The following GRIN2A variants were observed in gnomAD, a reference collection of about 807,000 sequenced individuals.
GRIN2A encodes glutamate receptor ionotropic, NMDA 2A.
Under a neutral mutation model 113.4 loss-of-function variants are expected in GRIN2A, and 22 were observed. The observed-to-expected ratio is 0.19, with a 90% CI of 0.14 to 0.28. The LOEUF (loss-of-function observed/expected upper bound fraction) is 0.28, where lower values mean the gene tolerates loss of function less well. Ranked by LOEUF, GRIN2A falls within the 10% of genes least tolerant of loss-of-function variation. The pLI is 1.00. For missense variants in GRIN2A, 1,502 were observed against 1,887.0 expected (o/e 0.80, Z 3.78); for synonymous variants, 827 against 738.4 (o/e 1.12, Z -1.94).
chr16:10,170,624 C>T (rs919377232), intron 2 of GRIN2A, among the ~76,000 whole-genome samples: 2 of 152,072 alleles, frequency 1.3e-5, no homozygotes, highest in African/African-American at 2.4e-5. Flanking sequence ...GCCTGTAATA[C>T]CAGCACTTTG....
intron 11 of GRIN2A, among the ~76,000 whole-genome samples, chr16:9,770,835 A>G (rs956646899): frequency 6.6e-6 from 1 of 152,226 alleles, no homozygotes; most frequent in Non-Finnish European, 1.5e-5. Context: ...AACAGAAAGT[A>G]CAGAGAGTTC....
chr16:9,843,418 C>G (rs1368427438), intron 5 of GRIN2A, among the ~76,000 whole-genome samples: 3 of 152,164 alleles, frequency 2.0e-5, no homozygotes, highest in Non-Finnish European at 2.9e-5. Context: ...CAGACTGGAC[C>G]TCCTGGCCTC....
intron 2 of GRIN2A, among the ~76,000 whole-genome samples, chr16:9,958,392 A>G (rs192280882): frequency 2.0e-5 from 3 of 152,096 alleles, no homozygotes; most frequent in African/African-American, 7.2e-5. Flanking sequence ...TGCCAAATTT[A>G]CTACTCCTCA....
chr16:10,019,559 A>G (rs2046677970), intron 2 of GRIN2A, among the ~76,000 whole-genome samples: 1 of 152,268 alleles, frequency 6.6e-6, no homozygotes, highest in African/African-American at 2.4e-5. Flanking sequence ...TTCCTTGTAC[A>G]TAAACAATTT....
At chr16:9,880,549 A>C (rs1377010991) in intron 4 of GRIN2A, among the ~76,000 whole-genome samples, 1 of 152,308 alleles carries the variant, frequency 6.6e-6, no homozygotes, top group Admixed American at 6.5e-5. Flanking sequence ...ATGTGGCCTA[A>C]TAAAACCAAG....
chr16:9,990,063 C>T (rs766476500), intron 2 of GRIN2A, among the ~76,000 whole-genome samples: 1 of 152,122 alleles, frequency 6.6e-6, no homozygotes, highest in African/African-American at 2.4e-5. Flanking sequence ...AATGGTTCCA[C>T]CAAAAATCCC....
intron 2 of GRIN2A, among the ~76,000 whole-genome samples, chr16:10,094,641 G>T (rs1373581154): frequency 6.6e-6 from 1 of 151,844 alleles, no homozygotes; most frequent in Non-Finnish European, 1.5e-5. Context: ...GTAGAGACAG[G>T]GTTTCACCAC....
At chr16:9,970,419 C>G (rs114658069) in intron 2 of GRIN2A, among the ~76,000 whole-genome samples, 1 of 152,134 alleles carries the variant, frequency 6.6e-6, no homozygotes, top group East Asian at 1.9e-4. Flanking sequence ...AATCCTGAAA[C>G]CTTTTCATCT....
At chr16:9,849,674 A>T (rs542789303) in intron 5 of GRIN2A, 82 bp downstream of exon 5, 550 of 987,922 alleles carry the variant, frequency 5.6e-4, no homozygotes, top group Non-Finnish European at 6.2e-4. Flanking sequence ...TTGTGATTCA[A>T]GTACACATAT....
chr16:9,985,535 G>C (rs952864927), intron 2 of GRIN2A, among the ~76,000 whole-genome samples: 13 of 152,066 alleles, frequency 8.5e-5, no homozygotes. Flanking sequence ...CCTGTCATTT[G>C]CAACAATATG....
At chr16:9,913,661 T>C (rs1182187750) in intron 3 of GRIN2A, among the ~76,000 whole-genome samples, 1 of 152,200 alleles carries the variant, frequency 6.6e-6, no homozygotes, top group Non-Finnish European at 1.5e-5. Flanking sequence ...GTTTCGGAAA[T>C]TGGGCCTTGT....
At chr16:9,970,644 T>A (rs563214978) in intron 2 of GRIN2A, 51 of 301,820 alleles carry the variant, frequency 1.7e-4, no homozygotes, top group African/African-American at 1.0e-3. Context: ...TTAAAAAAAA[T>A]CATTTTGGTT....
intron 2 of GRIN2A, among the ~76,000 whole-genome samples, chr16:10,046,209 C>T (rs928072103): frequency 3.3e-5 from 5 of 152,136 alleles, no homozygotes; most frequent in Non-Finnish European, 7.3e-5. Context: ...TGTTCTCTCA[C>T]TCTTAAGAAG....
In GRIN2A at chr16:9,755,344, A is replaced by G. The variant is rs1024982781; in HGVS notation, c.*7805T>C. The G allele has an allele frequency of 4.8e-5, 9 of 187,026 alleles. No individual in the cohort carries two copies. The highest frequency in any genetic ancestry group is 7.9e-5 in the Non-Finnish European group (7 of 88,550). The allele number at this position is 187,026 out of a possible 1,614,324, so 11.6% of individuals were successfully genotyped here. The stretch of plus-strand genomic sequence containing the variant: ...TCTTTGGAGTGCTCCATTTCTGCAT[A>G]GCTCAACATTCCAAGGAGAACATGG... On this transcript the variant is annotated 3_prime_UTR_variant, in exon 13 of 13. Coordinates refer to ENST00000330684, the MANE Select transcript of GRIN2A (RefSeq NM_001134407.3).
intron 2 of GRIN2A, among the ~76,000 whole-genome samples, chr16:9,967,414 T>A (rs1005938230): frequency 6.6e-6 from 1 of 152,088 alleles, no homozygotes; most frequent in African/African-American, 2.4e-5. Context: ...GGTATAAGAA[T>A]GATACAATGG....
Position 9,758,653 on chromosome 16 carries a change from T to G in GRIN2A, c.*4496A>C, listed in dbSNP as rs1310943065. 2 of 214,270 alleles carry G rather than the reference T, an allele frequency of 9.3e-6. No individual in the cohort carries two copies. The highest frequency in any genetic ancestry group is 1.9e-5 in the Non-Finnish European group (2 of 106,072). The allele number at this position is 214,270 out of a possible 1,614,324, so 13.3% of individuals were successfully genotyped here. On this transcript the variant is annotated 3_prime_UTR_variant, in exon 13 of 13. Transcript: ENST00000330684. ...ATACATGTGTACACAAGCAGTTGTA[T>G]TCACAGGATAAGTGCATTTGATCAT...
chr16:9,800,843 A>G (rs1464111898), intron 10 of GRIN2A, among the ~76,000 whole-genome samples: 3 of 152,192 alleles, frequency 2.0e-5, no homozygotes, highest in Non-Finnish European at 4.4e-5. Context: ...TGATGACAGC[A>G]AGTCAAGAGG....
chr16:9,874,789 T>C (rs1300928891), intron 4 of GRIN2A, among the ~76,000 whole-genome samples: 4 of 151,868 alleles, frequency 2.6e-5, no homozygotes. Context: ...TGAATGTCTG[T>C]TAAAAGAGGA....
At chr16:10,151,773 C>T (rs1335715544) in intron 2 of GRIN2A, among the ~76,000 whole-genome samples, 2 of 152,082 alleles carry the variant, frequency 1.3e-5, no homozygotes, top group Non-Finnish European at 2.9e-5. Context: ...CCAAGGCCTC[C>T]GAGTTCGAGG....
Sources: allele counts gnomAD v4.1 joint callset (sites outside exome capture counted in the v4.1 genomes callset), GRCh38; gene constraint gnomAD v4.1.1; transcripts MANE v1.5; gene names NCBI Gene and HGNC (gene_info 2026-07-23, HGNC 2026-07-21).